Variants in CLIC5 observed in about 807,000 individuals in gnomAD.
CLIC5 encodes chloride intracellular channel protein 5.
CLIC5 carries 20 observed loss-of-function variants against 24.7 expected under a neutral mutation model. That is an observed-to-expected ratio of 0.81 (90% CI 0.57 to 1.18). CLIC5 has a LOEUF of 1.18. Among genes scored for constraint, CLIC5 ranks in the 50% most tolerant of loss-of-function variants. CLIC5 has a pLI of 0.00. For synonymous variants in CLIC5, 159 were observed against 135.6 expected, an observed-to-expected ratio of 1.17 and a Z score of -1.20; for missense variants, 341 against 326.1, an observed-to-expected ratio of 1.05 and a Z score of -0.35.
At chr6:45,885,942 A>G (rs118114490) in intron 6 of CLIC5, among the ~76,000 whole-genome samples, 1 of 152,250 alleles carries the variant, frequency 6.6e-6, no homozygotes, top group African/African-American at 2.4e-5. Flanking sequence ...AGAGAAACTG[A>G]TACTGCACAG....
At chr6:46,060,812 G>T (rs1562030342) in intron 1 of CLIC5, among the ~76,000 whole-genome samples, 3 of 152,104 alleles carry the variant, frequency 2.0e-5, no homozygotes, top group Admixed American at 6.6e-5. Flanking sequence ...GCCTTCAGTG[G>T]TTATTCAGTA....
At chr6:46,034,115 A>C (rs1192937929) in intron 1 of CLIC5, among the ~76,000 whole-genome samples, 6 of 152,208 alleles carry the variant, frequency 3.9e-5, no homozygotes, top group Non-Finnish European at 2.9e-5. Flanking sequence ...CAGAAGTTCA[A>C]ATTTGCCGTG....
the CLIC5 span, among the ~76,000 whole-genome samples, chr6:46,104,970 A>G: frequency 1.6e-4 from 24 of 152,266 alleles, no homozygotes; most frequent in East Asian, 4.1e-3. Context: ...TGGTCAGGGA[A>G]TCAATCTCTT....
chr6:46,102,125 A>C, the CLIC5 span, among the ~76,000 whole-genome samples: 1 of 152,248 alleles, frequency 6.6e-6, no homozygotes, highest in South Asian at 2.1e-4. Flanking sequence ...TAATTGGAGA[A>C]AAATCATAAA....
chr6:45,953,485 T>G (rs60052675), intron 2 of CLIC5, among the ~76,000 whole-genome samples: 3,196 of 152,098 alleles, frequency 0.021, 123 homozygotes, highest in African/African-American at 0.073. Context: ...GGGCCTGTTT[T>G]AGACAGAGGA....
chr6:46,073,259 C>T (rs988016203), intron 1 of CLIC5, among the ~76,000 whole-genome samples: 1 of 152,166 alleles, frequency 6.6e-6, no homozygotes, highest in African/African-American at 2.4e-5. Flanking sequence ...ACTTTTTAAA[C>T]TGGAAACTAT....
intron 1 of CLIC5, among the ~76,000 whole-genome samples, chr6:45,973,275 G>A (rs888422487): frequency 2.6e-5 from 4 of 152,140 alleles, no homozygotes; most frequent in Non-Finnish European, 2.9e-5. Context: ...TAGTAAACTG[G>A]GCTCTCTAAA....
intron 4 of CLIC5, among the ~76,000 whole-genome samples, chr6:45,941,161 G>T (rs918142282): frequency 6.6e-6 from 1 of 152,214 alleles, no homozygotes; most frequent in African/African-American, 2.4e-5. Flanking sequence ...GTAGGGACCA[G>T]AAGGAAGCGG....
intron 5 of CLIC5, among the ~76,000 whole-genome samples, chr6:45,913,581 G>A (rs536945717): frequency 6.6e-6 from 1 of 152,320 alleles, no homozygotes; most frequent in Admixed American, 6.5e-5. Context: ...AAGTGGTCCA[G>A]GTTGAAGTGG....
At chr6:46,122,298 A>C in the CLIC5 span, among the ~76,000 whole-genome samples, 2 of 152,334 alleles carry the variant, frequency 1.3e-5, no homozygotes, top group African/African-American at 4.8e-5. Context: ...ACTCAACCAC[A>C]TGGAAACTGC....
intron 1 of CLIC5, among the ~76,000 whole-genome samples, chr6:46,004,146 G>A (rs1429087466): frequency 6.6e-6 from 1 of 152,216 alleles, no homozygotes; most frequent in Non-Finnish European, 1.5e-5. Context: ...ATGTCATACA[G>A]GAGAAGGTTC....
chr6:45,982,371 T>G (rs1765596423), intron 1 of CLIC5, among the ~76,000 whole-genome samples: 1 of 152,056 alleles, frequency 6.6e-6, no homozygotes, highest in African/African-American at 2.4e-5. Flanking sequence ...TATTATAAAT[T>G]TTTTTATACA....
At chr6:45,958,965 CTACATACA>C (rs146375260) in intron 1 of CLIC5, among the ~76,000 whole-genome samples, 3 of 151,098 alleles carry the variant, frequency 2.0e-5, no homozygotes, top group South Asian at 2.1e-4. Context: ...TGCATACATA[CTACATACA>C]TACATACATA....
intron 1 of CLIC5, among the ~76,000 whole-genome samples, chr6:46,034,291 C>G (rs1471066633): frequency 6.6e-6 from 1 of 152,248 alleles, no homozygotes; most frequent in African/African-American, 2.4e-5. Flanking sequence ...CCAGGTAATT[C>G]TAACTTGCAC....
intron 1 of CLIC5, among the ~76,000 whole-genome samples, chr6:45,957,951 A>AT (rs11402927): frequency 0.83 from 126,673 of 151,978 alleles, 53,419 homozygotes; most frequent in Non-Finnish European, 0.89. Flanking sequence ...TTCCAGAGAG[A>AT]TTTTGAGCAC....
chr6:46,028,921 A>G (rs950637385), intron 1 of CLIC5, among the ~76,000 whole-genome samples: 4 of 152,158 alleles, frequency 2.6e-5, no homozygotes, highest in African/African-American at 7.2e-5. Context: ...ATAGTATCCT[A>G]TGGAGTATTT....
At chr6:45,933,637 G>T (rs547188007) in intron 4 of CLIC5, among the ~76,000 whole-genome samples, 3 of 152,324 alleles carry the variant, frequency 2.0e-5, no homozygotes, top group African/African-American at 7.2e-5. Flanking sequence ...AAGAGAACTA[G>T]GTGCAGCCTT....
chr6:46,002,898 A>T (rs1766412035), intron 1 of CLIC5, among the ~76,000 whole-genome samples: 1 of 152,202 alleles, frequency 6.6e-6, no homozygotes, highest in Non-Finnish European at 1.5e-5. Context: ...AACCTTGGTC[A>T]TCTCCCTCTT....
intron 1 of CLIC5, among the ~76,000 whole-genome samples, chr6:46,060,887 ATGT>A (rs1345889560): frequency 1.3e-5 from 2 of 152,296 alleles, no homozygotes; most frequent in East Asian, 1.9e-4. Flanking sequence ...TAAGTCCTTC[ATGT>A]TGTGAATCCT....
Sources: allele counts gnomAD v4.1 joint callset (sites outside exome capture counted in the v4.1 genomes callset), GRCh38; gene constraint gnomAD v4.1.1; transcripts MANE v1.5; gene names NCBI Gene and HGNC (gene_info 2026-07-23, HGNC 2026-07-21).